IL24: variants seen among roughly 807,000 people sequenced by gnomAD.
IL24 encodes the protein interleukin 24.
Under a neutral mutation model 27.6 loss-of-function variants are expected in IL24, and 24 were observed. The ratio of observed to expected loss-of-function variants is 0.87; its 90% confidence interval spans 0.63 to 1.22. The LOEUF is 1.22. IL24 is among the 50% of genes most tolerant of loss of function. IL24 has a pLI of 0.00. For missense variants in IL24, 240 were observed against 237.0 expected, an observed-to-expected ratio of 1.01 and a Z score of -0.08; for synonymous variants, 99 against 93.1, an observed-to-expected ratio of 1.06 and a Z score of -0.36.
intron 2 of IL24, among the ~76,000 whole-genome samples, chr1:206,899,115 C>T (rs746864757): frequency 2.0e-5 from 3 of 152,194 alleles, no homozygotes; most frequent in African/African-American, 4.8e-5. Flanking sequence ...GATGGCAAGA[C>T]GAGCGGCCTT....
intron 6 of IL24, chr1:206,902,351 C>G: frequency 1.0e-6 from 1 of 985,342 alleles, no homozygotes. Flanking sequence ...GGTACTTGGG[C>G]TGGGCAACTG....
rs1444424641 is a variant in IL24 at position 206,897,506 on chromosome 1, C to G, written c.-212C>G. On this transcript the variant is annotated 5_prime_UTR_variant, in exon 1 of 7. Coordinates refer to ENST00000294984, the MANE Select transcript of IL24 (RefSeq NM_006850.3). ...GGCTGGGACGGGAACCTTCCACCCACAGCTATGCCTCTGATTGGTGAATGG... is the reference window on the plus strand; with the variant it reads ...GGCTGGGACGGGAACCTTCCACCCAGAGCTATGCCTCTGATTGGTGAATGG... The G allele has an allele frequency of 5.1e-6, 1 of 196,788 alleles. No individual in the cohort carries two copies. Among genetic ancestry groups the G allele is most frequent in the Admixed American group, 6.0e-5 (1 of 16,650 alleles). 12.2% of individuals were successfully genotyped at this position (196,788 alleles called of 1,614,324 possible). A position where few individuals can be genotyped will look rare whatever the true frequency, so the allele number is the denominator to read the frequency against.
chr1:206,901,952 G>T (rs1678403222), intron 5 of IL24, 46 bp from the exon 6 acceptor site: 1 of 1,585,042 alleles, frequency 6.3e-7, no homozygotes, highest in Admixed American at 1.7e-5. Flanking sequence ...GTTTGCATCT[G>T]CTCCTATCTA....
rs1349910213 is a variant in IL24, at chr1:206,897,534, A to T, written c.-184A>T. Reference sequence around the variant, plus strand: ...CTATGCCTCTGATTGGTGAATGGTGAAGGTGCCTGTCTAACTTTTCTGTAA... The same window carrying T: ...CTATGCCTCTGATTGGTGAATGGTGTAGGTGCCTGTCTAACTTTTCTGTAA... On this transcript the variant is annotated 5_prime_UTR_variant, in exon 1 of 7. The change abolishes the stop of an existing upstream ORF in the 5' untranslated region. Transcript: ENST00000294984. 2 of 246,244 alleles carry T rather than the reference A, an allele frequency of 8.1e-6. No individual in the cohort carries two copies. The highest frequency in any genetic ancestry group is 2.3e-5 in the African/African-American group (1 of 43,926). 15.3% of individuals were successfully genotyped at this position (246,244 alleles called of 1,614,324 possible).
chr1:206,900,579 G>A (rs1286509324), intron 4 of IL24, among the ~76,000 whole-genome samples: 2 of 152,204 alleles, frequency 1.3e-5, no homozygotes, highest in African/African-American at 2.4e-5. Flanking sequence ...GTGGAGGCTT[G>A]TAAACATCTT....
At chr1:206,902,776 C>T in intron 6 of IL24, 200 bp from the exon 7 acceptor site, 1 of 985,332 alleles carries the variant, frequency 1.0e-6, no homozygotes, top group Non-Finnish European at 1.2e-6. Context: ...TATTCACTAG[C>T]CTGTTTGTCC....
chr1:206,899,902 C>G (rs1678310221), intron 3 of IL24, among the ~76,000 whole-genome samples: 1 of 152,162 alleles, frequency 6.6e-6, no homozygotes. Flanking sequence ...TCCCTCACAT[C>G]CTGCTTCCTC....
rs1678292056 is a variant in IL24 at position 206,899,465 on chromosome 1, G to A, written c.190G>A (p.Val64Ile). 2 of 1,613,508 alleles carry A rather than the reference G, an allele frequency of 1.2e-6. No individual in the cohort carries two copies. Among genetic ancestry groups the A allele is most frequent in the Non-Finnish European group, 1.7e-6 (2 of 1,179,642 alleles). ...FHFGPCQVKGVVPQKLWEAFW... is the reference protein window; with the variant it reads ...FHFGPCQVKGIVPQKLWEAFW... Reference sequence around the variant, plus strand: ...CTTTGGGCCCTGCCAAGTGAAGGGGGTTGTTCCCCAGAAACTGTGGGAAGC... The same window carrying A: ...CTTTGGGCCCTGCCAAGTGAAGGGGATTGTTCCCCAGAAACTGTGGGAAGC... The change falls in exon 3 of 7, where the codon GTT becomes ATT. Residue 64 changes from valine to isoleucine, a missense_variant. Transcript: ENST00000294984.
chr1:206,899,184 G>T, intron 2 of IL24, 136 bp from the exon 3 acceptor site: 2 of 861,806 alleles, frequency 2.3e-6, no homozygotes, highest in Admixed American at 2.9e-5. Context: ...CAAGGCTGCC[G>T]GTTTGCAATA....
Position 206,897,809 on chromosome 1 carries a change from C to T in IL24, c.-24C>T. ...GAATTGAGGCTGCTTGGGAGGAAGGCCAGGAGGAACACGAGACTGAGAGAT... is the reference window on the plus strand; with the variant it reads ...GAATTGAGGCTGCTTGGGAGGAAGGTCAGGAGGAACACGAGACTGAGAGAT... On this transcript the variant is annotated 5_prime_UTR_variant, in exon 2 of 7. Transcript: ENST00000294984. 6.2e-7 allele frequency: 1 copy of T among 1,612,128 alleles called. No homozygotes were observed. Among genetic ancestry groups the T allele is most frequent in the African/African-American group, 1.3e-5 (1 of 74,912 alleles).
rs1270431532 is a variant in IL24 at position 206,899,341 on chromosome 1, G to T, written c.66G>T (p.Leu22=). 1 of 1,614,024 alleles carries T rather than the reference G, an allele frequency of 6.2e-7. No homozygotes were observed. Among genetic ancestry groups the T allele is most frequent in the Admixed American group, 1.7e-5 (1 of 60,016 alleles). Residue 22 remains leucine, a synonymous_variant, in exon 3 of 7, where the codon CTG becomes CTT. Coordinates refer to ENST00000294984, the MANE Select transcript of IL24 (RefSeq NM_006850.3). ...GCAGACCCTTCTGCCCTCCTTTGCT[G>T]GCGACAGCCTCTCAAATGCAGATGG... is the stretch of plus-strand genomic sequence containing the variant. The part of the protein sequence containing the change: ...TLARPFCPPL[L]ATASQMQMVV...
In IL24 at chr1:206,901,579, A is replaced by G; in HGVS notation, c.389A>G (p.Glu130Gly). The G allele has an allele frequency of 6.2e-7, 1 of 1,614,176 alleles. No individual in the cohort carries two copies. The highest frequency in any genetic ancestry group is 8.5e-7 in the Non-Finnish European group (1 of 1,180,014). ...AAAAACTACCACAATAGAACAGTTG[A>G]AGTCAGGACTCTGAAGTCATTCTCT... ...VFKNYHNRTV[E>G]VRTLKSFSTL... Residue 130 changes from glutamate (E) to glycine (G), a missense_variant, in exon 5 of 7, where the codon GAA becomes GGA. By Grantham distance (98) the Glu-to-Gly change is moderately conservative (BLOSUM62 -2). Coordinates refer to ENST00000294984, the MANE Select transcript of IL24 (RefSeq NM_006850.3).
rs201336388 is a variant in IL24 at position 206,899,299 on chromosome 1, T to C, written c.45-21T>C. The stretch of plus-strand genomic sequence containing the variant: ...GGGTCAGAGGGCCGGCCTCACAGGC[T>C]GCCTCCCTTTCTTTCAGCAGACCCT... On this transcript the variant is annotated intron_variant, in intron 2 of 6. Coordinates refer to ENST00000294984, the MANE Select transcript of IL24 (RefSeq NM_006850.3). The C allele has an allele frequency of 3.0e-5, 48 of 1,610,862 alleles. No homozygotes were observed. The Admixed American group carries it at 6.2e-4, about 21-fold the overall frequency.
intron 4 of IL24, among the ~76,000 whole-genome samples, chr1:206,900,696 T>A (rs1054036366): frequency 1.3e-5 from 2 of 151,978 alleles, no homozygotes; most frequent in African/African-American, 4.8e-5. Flanking sequence ...TTTCTCTGGG[T>A]CCTTTTTCCT....
chr1:206,902,224 A>G, intron 6 of IL24, 152 bp downstream of exon 6: 1 of 1,391,268 alleles, frequency 7.2e-7, no homozygotes, highest in Admixed American at 3.1e-5. Flanking sequence ...GAGCACAGTT[A>G]TATTTGCAGA....
intron 3 of IL24, among the ~76,000 whole-genome samples, chr1:206,899,769 C>G (rs1243278509): frequency 6.6e-6 from 1 of 152,136 alleles, no homozygotes; most frequent in Non-Finnish European, 1.5e-5. Context: ...ATGAAGAGAG[C>G]TAGATTCATC....
At chr1:206,902,346 T>C (rs1170351891) in intron 6 of IL24, 8 of 985,406 alleles carry the variant, frequency 8.1e-6, no homozygotes, top group Non-Finnish European at 8.4e-6. Flanking sequence ...TTGTAGGTAC[T>C]TGGGCTGGGC....
At chr1:206,899,728 C>T (rs768535023) in intron 3 of IL24, among the ~76,000 whole-genome samples, 4 of 152,108 alleles carry the variant, frequency 2.6e-5, no homozygotes, top group African/African-American at 9.7e-5. Context: ...TGGGCAGCCT[C>T]GAGTGAAATA....
intron 5 of IL24, 43 bp from the exon 6 acceptor site, chr1:206,901,955 C>T (rs202138928): frequency 6.3e-7 from 1 of 1,593,932 alleles, no homozygotes; most frequent in African/African-American, 1.3e-5. Flanking sequence ...TGCATCTGCT[C>T]CTATCTAAAA....
Sources: gnomAD v4.1 joint callset for allele counts (sites outside exome capture counted in the v4.1 genomes callset) on GRCh38, gnomAD v4.1.1 for gene constraint, MANE v1.5 for transcripts, NCBI Gene and HGNC (gene_info 2026-07-23, HGNC 2026-07-21) for gene names.